The following COL4A1 variants were observed in gnomAD, a reference collection of about 807,000 sequenced individuals.
COL4A1 encodes collagen alpha-1(IV) chain.
In COL4A1, 40 loss-of-function variants were observed where a neutral mutation model predicts 216.6. The ratio of observed to expected loss-of-function variants is 0.18; its 90% CI spans 0.14 to 0.24. The LOEUF (loss-of-function observed/expected upper bound fraction) is 0.24, where lower values mean the gene tolerates loss of function less well. Among genes scored for constraint, COL4A1 ranks in the 10% least tolerant of loss-of-function variants. The pLI is 1.00. For missense variants in COL4A1, 1,628 were observed against 2,196.8 expected (o/e 0.74, Z 5.18); for synonymous variants, 839 against 810.7 (o/e 1.03, Z -0.59).
At chr13:110,173,879 G>T (rs1298428265) in intron 40 of COL4A1, 21 bp downstream of exon 40, 1 of 1,613,712 alleles carries the variant, frequency 6.2e-7, no homozygotes, top group Non-Finnish European at 8.5e-7. Context: ...TTCTGATAGG[G>T]AATGGGGCGT....
intron 20 of COL4A1, among the ~76,000 whole-genome samples, chr13:110,200,420 G>C (rs1401016037): frequency 1.3e-5 from 2 of 152,200 alleles, no homozygotes; most frequent in East Asian, 3.9e-4. Flanking sequence ...GTTTTGTCCT[G>C]GAGTCTGATC....
At chr13:110,219,851 T>G (rs1880350670) in intron 2 of COL4A1, among the ~76,000 whole-genome samples, 1 of 89,876 alleles carries the variant, frequency 1.1e-5, no homozygotes, top group Admixed American at 1.3e-4. Context: ...TATGTGTATA[T>G]ATATGTATAT....
chr13:110,211,703 G>A lies in COL4A1; in HGVS notation c.442-30C>T. The A allele has an allele frequency of 1.9e-6, 3 of 1,604,824 alleles. No homozygotes were observed. The highest frequency in any genetic ancestry group is 2.6e-6 in the Non-Finnish European group (3 of 1,175,392). ...AAAAGAAAGTTTTGGTGTTAGTTTT[G>A]TTTTTCTCAAAATATCATTAGCATT... On this transcript the variant is annotated intron_variant, in intron 7 of 51. Coordinates refer to ENST00000375820, the MANE Select transcript of COL4A1 (RefSeq NM_001845.6). This position sits in a 1 kb window ranked among gnomAD's most constrained non-coding sequence, Gnocchi z 4.3.
intron 1 of COL4A1, among the ~76,000 whole-genome samples, chr13:110,287,273 T>A (rs564491679): frequency 6.6e-6 from 1 of 152,086 alleles, no homozygotes; most frequent in African/African-American, 2.4e-5. Flanking sequence ...CCGCATGACA[T>A]CTCAGGGGCA....
chr13:110,265,979 G>A (rs1234793019), intron 1 of COL4A1: 4 of 152,152 alleles, frequency 2.6e-5, no homozygotes, highest in Admixed American at 1.3e-4. Context: ...CAGCTCAACC[G>A]TCTGCGGTGT....
In COL4A1 at chr13:110,213,897, C is replaced by T. The variant is rs558787173; in HGVS notation, c.234+29G>A. 6 of 1,613,216 alleles carry T rather than the reference C, an allele frequency of 3.7e-6. No homozygotes were observed. In the African/African-American group the frequency reaches 6.7e-5, roughly 18 times the overall value. On this transcript the variant is annotated intron_variant, in intron 3 of 51. Coordinates refer to ENST00000375820, the MANE Select transcript of COL4A1 (RefSeq NM_001845.6). Reference sequence around the variant, plus strand: ...AAGAATGCGGGCAATCTTACATCCACCCACCCCCAATCCCACAGCCGTGCT... The same window carrying T: ...AAGAATGCGGGCAATCTTACATCCATCCACCCCCAATCCCACAGCCGTGCT...
chr13:110,303,950 G>A lies in COL4A1; in HGVS notation c.84+2994C>T, dbSNP rs533421713. ...GAAACTGAGGTATAGAGTTTGATGAGTACCCCCAAATCATCTGCTTAAAAG... is the reference window on the plus strand; with the variant it reads ...GAAACTGAGGTATAGAGTTTGATGAATACCCCCAAATCATCTGCTTAAAAG... On this transcript the variant is annotated intron_variant, in intron 1 of 51. Coordinates refer to ENST00000375820, the MANE Select transcript of COL4A1 (RefSeq NM_001845.6). Among the ~76,000 whole-genome samples the A allele has an allele frequency of 4.6e-5, 7 of 152,322 alleles. No homozygotes were observed. The South Asian group carries it at 1.5e-3, about 32-fold the overall frequency.
At position 110,150,214 on chromosome 13, in the gene COL4A1, G is replaced by C; in HGVS notation, c.*149C>G. ...AGCAAGTAGAGGTCAATGAAGCAGG[G>C]TGTGTTAGTTACGCAAATTCCTATA... is the stretch of plus-strand genomic sequence containing the variant. On this transcript the variant is annotated 3_prime_UTR_variant, in exon 52 of 52. Transcript: ENST00000375820. The C allele has an allele frequency of 1.3e-6, 1 of 747,448 alleles. No homozygotes were observed. The highest frequency in any genetic ancestry group is 1.7e-5 in the African/African-American group (1 of 58,054). 46.3% of individuals were successfully genotyped at this position (747,448 alleles called of 1,614,324 possible). A position where few individuals can be genotyped will look rare whatever the true frequency, so the allele number is the denominator to read the frequency against.
Position 110,307,055 on chromosome 13 carries a change from G to C in COL4A1, c.-28C>G, listed in dbSNP as rs770197166. On this transcript the variant is annotated 5_prime_UTR_variant, in exon 1 of 52. Transcript: ENST00000375820. This position sits in a 1 kb window ranked among gnomAD's most constrained non-coding sequence, Gnocchi z 5.0. ...TGGCGCGCCCGAGGCGGCGAGGGACGGCTGCCCGGCGTGCGGGGGCCGCGG... is the reference window on the plus strand; with the variant it reads ...TGGCGCGCCCGAGGCGGCGAGGGACCGCTGCCCGGCGTGCGGGGGCCGCGG... 9.0e-6 allele frequency: 13 copies of C among 1,438,848 alleles called. No homozygotes were observed. In the South Asian group the frequency reaches 1.2e-4, roughly 14 times the overall value. The allele number at this position is 1,438,848 out of a possible 1,614,324, so 89.1% of individuals were successfully genotyped here.
chr13:110,219,774 ATATATGCGTATATATGTG>A, intron 2 of COL4A1, among the ~76,000 whole-genome samples: 2 of 144,428 alleles, frequency 1.4e-5, no homozygotes, highest in South Asian at 4.3e-4. Flanking sequence ...ATATATGTAT[ATATATGCGTATATATGTG>A]TATATATGTA....
At chr13:110,212,334 A>G in intron 6 of COL4A1, 83 bp downstream of exon 6, 1 of 1,525,478 alleles carries the variant, frequency 6.6e-7, no homozygotes, top group Non-Finnish European at 9.1e-7. Context: ...AAACTCTATT[A>G]ACAGAATCAC....
chr13:110,238,737 G>A (rs982428762), intron 2 of COL4A1, among the ~76,000 whole-genome samples: 3 of 152,286 alleles, frequency 2.0e-5, no homozygotes, highest in South Asian at 2.1e-4. Context: ...TTATGGAAAC[G>A]TGGGCTCCCA....
At chr13:110,244,274 C>T (rs1171290849) in intron 1 of COL4A1, among the ~76,000 whole-genome samples, 1 of 152,122 alleles carries the variant, frequency 6.6e-6, no homozygotes, top group African/African-American at 2.4e-5. Flanking sequence ...GAACAAGTGC[C>T]TCCAAGACAG....
intron 50 of COL4A1, among the ~76,000 whole-genome samples, chr13:110,153,144 G>A (rs572421875): frequency 5.8e-4 from 89 of 152,290 alleles, no homozygotes; most frequent in African/African-American, 1.9e-3. Flanking sequence ...ACAGAGCCCC[G>A]TGACTATTAT....
chr13:110,222,772 TAAAAAAAAA>T (rs943734573), intron 2 of COL4A1, among the ~76,000 whole-genome samples: 1 of 92,074 alleles, frequency 1.1e-5, no homozygotes, highest in African/African-American at 4.3e-5. Flanking sequence ...GACTCTGCTT[TAAAAAAAAA>T]AAAAAAAAAA....
In COL4A1 at chr13:110,214,598, G is replaced by T. The variant is rs530787571; in HGVS notation, c.145-583C>A. ...CCGGATAGAACAAAAAGGCAGAAGAGAGGCCAATTCTCTCTCTTCTGGAGC... is the reference window on the plus strand; with the variant it reads ...CCGGATAGAACAAAAAGGCAGAAGATAGGCCAATTCTCTCTCTTCTGGAGC... On this transcript the variant is annotated intron_variant, in intron 2 of 51. Transcript: ENST00000375820. Among the ~76,000 whole-genome samples the T allele has an allele frequency of 7.2e-5, 11 of 152,254 alleles. No individual in the cohort carries two copies. In the South Asian group the frequency reaches 2.1e-3, roughly 29 times the overall value.
At position 110,182,103 on chromosome 13, in the gene COL4A1, A is replaced by G. The variant is rs183235179; in HGVS notation, c.2096-714T>C. Among the ~76,000 whole-genome samples, 360 of 152,242 alleles carry G rather than the reference A, an allele frequency of 2.4e-3. 1 individual carries two copies. The highest frequency in any genetic ancestry group is 8.1e-3 in the African/African-American group (335 of 41,534). On this transcript the variant is annotated intron_variant, in intron 28 of 51. Transcript: ENST00000375820. ...AGGTGAAGGAGGCACTGTGTGAGGCAATGGTGGAATGTGAGGGAGTTGTGA... is the reference window on the plus strand; with the variant it reads ...AGGTGAAGGAGGCACTGTGTGAGGCGATGGTGGAATGTGAGGGAGTTGTGA...
chr13:110,226,122 T>A (rs1880727162), intron 2 of COL4A1, among the ~76,000 whole-genome samples: 1 of 152,208 alleles, frequency 6.6e-6, no homozygotes, highest in Non-Finnish European at 1.5e-5. Context: ...ACACTGCTAG[T>A]GTTCCCACAA....
Position 110,268,009 on chromosome 13 carries a change from C to G in COL4A1, c.85-25275G>C, listed in dbSNP as rs1410970327. Among the ~76,000 whole-genome samples, 1 of 111,576 alleles carries G rather than the reference C, an allele frequency of 9.0e-6. No homozygotes were observed. Among genetic ancestry groups the G allele is most frequent in the Non-Finnish European group, 2.2e-5 (1 of 45,136 alleles). 73.2% of individuals were successfully genotyped at this position (111,576 alleles called of 152,430 possible). A position where few individuals can be genotyped will look rare whatever the true frequency, so the allele number is the denominator to read the frequency against. On this transcript the variant is annotated intron_variant, in intron 1 of 51. Coordinates refer to ENST00000375820, the MANE Select transcript of COL4A1 (RefSeq NM_001845.6). This position sits in a 1 kb window ranked among gnomAD's most constrained non-coding sequence, Gnocchi z 4.1. ...CATCAACACCTAGAACACAGCTGCC[C>G]CCCTCAAAAAAAAAATACAGAAAAA...
Sources: gnomAD v4.1 joint callset for allele counts (sites outside exome capture counted in the v4.1 genomes callset) on GRCh38, gnomAD v4.1.1 for gene constraint, Gnocchi (gnomAD v3.1) non-coding constraint, MANE v1.5 for transcripts, NCBI Gene and HGNC (gene_info 2026-07-23, HGNC 2026-07-21) for gene names.